Variants in LAMC1 observed in about 807,000 individuals in gnomAD.
The protein encoded by LAMC1 is laminin subunit gamma-1.
In LAMC1, 38 loss-of-function variants were observed where a neutral mutation model predicts 173.6. The ratio of observed to expected loss-of-function variants is 0.22; its 90% confidence interval spans 0.17 to 0.29. The LOEUF is 0.29. LAMC1 is among the 10% of genes least tolerant of loss of function. The pLI is 1.00. For missense variants in LAMC1, 1,824 were observed against 2,051.8 expected (o/e 0.89, Z 2.14); for synonymous variants, 746 against 749.1 (o/e 1.00, Z 0.07).
intron 1 of LAMC1, among the ~76,000 whole-genome samples, chr1:183,062,365 G>A (rs537989274): frequency 9.9e-5 from 15 of 152,236 alleles, no homozygotes; most frequent in Non-Finnish European, 1.9e-4. Flanking sequence ...TGATTATATG[G>A]GTGCAGAAAA....
intron 4 of LAMC1, among the ~76,000 whole-genome samples, chr1:183,112,785 T>A (rs1656197963): frequency 6.6e-6 from 1 of 152,214 alleles, no homozygotes; most frequent in Non-Finnish European, 1.5e-5. Context: ...ACTTTAAAAC[T>A]AACTTAACAA....
intron 1 of LAMC1, among the ~76,000 whole-genome samples, chr1:183,036,155 A>G (rs1013590713): frequency 6.7e-6 from 1 of 148,906 alleles, no homozygotes; most frequent in Non-Finnish European, 1.5e-5. Flanking sequence ...CTGGAGTACA[A>G]TGGCGCAATC....
chr1:183,115,675 CTA>C (rs1460594205), intron 6 of LAMC1, 38 bp downstream of exon 6: 1 of 1,287,766 alleles, frequency 7.8e-7, no homozygotes, highest in Admixed American at 1.7e-5. Flanking sequence ...GGGGCAGAAT[CTA>C]TATATAGTCA....
chr1:183,131,445 G>GTGTGTGTGTT (rs1656787469), intron 20 of LAMC1, 67 bp downstream of exon 20: 2 of 1,029,780 alleles, frequency 1.9e-6, no homozygotes, highest in African/African-American at 3.1e-5. Context: ...GTGTGTGTGT[G>GTGTGTGTGTT]TGTGTGTGTG....
intron 1 of LAMC1, among the ~76,000 whole-genome samples, chr1:183,025,512 T>C (rs1191507986): frequency 6.6e-6 from 1 of 152,224 alleles, no homozygotes; most frequent in Admixed American, 6.5e-5. Flanking sequence ...AGAAGTAAAG[T>C]GCACTGAGTT....
chr1:183,087,637 G>A (rs77735487), intron 1 of LAMC1, among the ~76,000 whole-genome samples: 1 of 152,098 alleles, frequency 6.6e-6, no homozygotes, highest in East Asian at 1.9e-4. Flanking sequence ...CATGGCTGAA[G>A]GAGTTCTTCT....
chr1:183,124,699 C>G lies in LAMC1; in HGVS notation c.2470C>G (p.Leu824Val), dbSNP rs183907230. 53 of 1,614,242 alleles carry G rather than the reference C, an allele frequency of 3.3e-5. No individual in the cohort carries two copies. The East Asian group carries it at 1.1e-3, about 33-fold the overall frequency. ...DPLGRNGPVR[L>V]CRLCQCSDNI... ...CCTGGGTAGAAACGGCCCTGTGAGA[C>G]TTTGCCGCCTGTGCCAGTGCAGTGA... The change falls in exon 14 of 28, where the codon CTT (leucine) becomes GTT (valine). Residue 824 changes from leucine (L) to valine (V), a missense_variant. Transcript: ENST00000258341.
intron 1 of LAMC1, among the ~76,000 whole-genome samples, chr1:183,087,793 CATTT>C (rs1196423603): frequency 1.3e-5 from 2 of 151,434 alleles, no homozygotes; most frequent in East Asian, 3.9e-4. Flanking sequence ...AGGAAAAAGG[CATTT>C]ATTTATTTTC....
At chr1:183,085,865 T>A (rs771896152) in intron 1 of LAMC1, among the ~76,000 whole-genome samples, 2 of 152,216 alleles carry the variant, frequency 1.3e-5, no homozygotes, top group Non-Finnish European at 2.9e-5. Flanking sequence ...GCTCTTGTTT[T>A]CTACCACTTA....
intron 25 of LAMC1, among the ~76,000 whole-genome samples, chr1:183,137,018 A>T (rs73036955): frequency 0.014 from 2,083 of 152,312 alleles, 53 homozygotes; most frequent in African/African-American, 0.047. Context: ...GACTTCCCAT[A>T]GCTGCCATTG....
chr1:183,057,339 C>G (rs1395024560), intron 1 of LAMC1, among the ~76,000 whole-genome samples: 1 of 152,238 alleles, frequency 6.6e-6, no homozygotes, highest in Admixed American at 6.5e-5. Flanking sequence ...TCATTCCTTA[C>G]CACTCCCTTT....
chr1:183,103,422 C>T lies in LAMC1; in HGVS notation c.513C>T (p.Pro171=), dbSNP rs1002520826. The stretch of plus-strand genomic sequence containing the variant: ...ACAAGCGCACACGGGAAGACGGGCC[C>T]TGGATTCCTTACCAGTACTACAGTG... The part of the protein sequence containing the change: ...AIYKRTREDG[P]WIPYQYYSGS... The change falls in exon 2 of 28, where the codon CCC becomes CCT. Residue 171 remains proline (P), a synonymous_variant. Transcript: ENST00000258341. The T allele has an allele frequency of 6.2e-7, 1 of 1,614,080 alleles. No individual in the cohort carries two copies. Among genetic ancestry groups the T allele is most frequent in the Non-Finnish European group, 8.5e-7 (1 of 1,180,040 alleles).
At chr1:183,130,298 A>G (rs2102102045) in intron 18 of LAMC1, 46 bp from the exon 19 acceptor site, 1 of 1,489,384 alleles carries the variant, frequency 6.7e-7, no homozygotes, top group Non-Finnish European at 9.4e-7. Context: ...AGATGATATG[A>G]TCCTCTTCAG....
chr1:183,080,176 G>A lies in LAMC1; in HGVS notation c.419-23152G>A, dbSNP rs551514658. Among the ~76,000 whole-genome samples the A allele has an allele frequency of 7.2e-5, 11 of 152,274 alleles. No individual in the cohort carries two copies. The South Asian group carries it at 1.7e-3, about 23-fold the overall frequency. ...GGTGAATTGCTTGAACCTGGGAAGC[G>A]GAGGTTGCAGTGAGCCGAGATTATG... On this transcript the variant is annotated intron_variant, in intron 1 of 27. Coordinates refer to ENST00000258341, the MANE Select transcript of LAMC1 (RefSeq NM_002293.4).
intron 27 of LAMC1, 61 bp from the exon 28 acceptor site, chr1:183,142,473 G>A: frequency 6.6e-7 from 1 of 1,517,274 alleles, no homozygotes; most frequent in Non-Finnish European, 8.8e-7. Flanking sequence ...GCAGGTACTT[G>A]TGAAGGGATC....
In LAMC1 at chr1:183,088,474, T is replaced by C. The variant is rs1655489252; in HGVS notation, c.419-14854T>C. Among the ~76,000 whole-genome samples the C allele has an allele frequency of 2.0e-5, 3 of 152,226 alleles. No homozygotes were observed. The South Asian group carries it at 6.2e-4, about 32-fold the overall frequency. On this transcript the variant is annotated intron_variant, in intron 1 of 27. Transcript: ENST00000258341. The stretch of plus-strand genomic sequence containing the variant: ...ATATCAGATTGCATCATGGATAGTA[T>C]TGTATTATTTTATCAAACTTGAGTT...
chr1:183,058,758 A>C (rs1263092298), intron 1 of LAMC1, among the ~76,000 whole-genome samples: 2 of 152,204 alleles, frequency 1.3e-5, no homozygotes, highest in African/African-American at 4.8e-5. Context: ...AAAAACATCC[A>C]GGAATTTTTG....
At chr1:183,113,950 G>A (rs1656240759) in intron 4 of LAMC1, among the ~76,000 whole-genome samples, 1 of 152,192 alleles carries the variant, frequency 6.6e-6, no homozygotes, top group African/African-American at 2.4e-5. Context: ...TATTTTCTAA[G>A]TACGAGAATT....
intron 1 of LAMC1, among the ~76,000 whole-genome samples, chr1:183,088,856 A>G (rs139748376): frequency 6.6e-6 from 1 of 152,338 alleles, no homozygotes; most frequent in African/African-American, 2.4e-5. Context: ...TAGGGATGGC[A>G]AGACTGGAAC....
Sources: gnomAD v4.1 joint callset for allele counts (sites outside exome capture counted in the v4.1 genomes callset) on GRCh38, gnomAD v4.1.1 for gene constraint, MANE v1.5 for transcripts, NCBI Gene and HGNC (gene_info 2026-07-23, HGNC 2026-07-21) for gene names.